KCNAB2: variants seen among roughly 807,000 people sequenced by gnomAD.
The protein encoded by KCNAB2 is potassium voltage-gated channel subfamily A regulatory beta subunit 2.
KCNAB2 carries 29 observed loss-of-function variants against 63.6 expected under a neutral mutation model. That is an observed-to-expected ratio of 0.46 (90% CI 0.34 to 0.62). KCNAB2 has a LOEUF of 0.62. KCNAB2 is among the 20% of genes least tolerant of loss of function. KCNAB2 has a pLI of 0.01. For missense variants in KCNAB2, 359 were observed against 563.9 expected (o/e 0.64, Z 3.68); for synonymous variants, 222 against 224.2 (o/e 0.99, Z 0.09).
Position 6,097,408 on chromosome 1 carries a change from C to T in KCNAB2, c.1158+51C>T, listed in dbSNP as rs748870246. On this transcript the variant is annotated intron_variant, in intron 15 of 15. Coordinates refer to ENST00000378083, the MANE Select transcript of KCNAB2 (RefSeq NM_001199862.2). ...AGAGGGCCCATCCCAGCCCGAGCCC[C>T]GTCCAGTGCATCCTCCCAGGCTCGT... The T allele has an allele frequency of 1.4e-5, 21 of 1,548,534 alleles. No individual in the cohort carries two copies. The highest frequency in any genetic ancestry group is 2.4e-5 in the East Asian group (1 of 40,926).
intron 1 of KCNAB2, among the ~76,000 whole-genome samples, chr1:6,002,270 A>G (rs991359274): frequency 1.3e-5 from 2 of 152,224 alleles, no homozygotes; most frequent in African/African-American, 2.4e-5. Context: ...ACACCAAGGG[A>G]TCCTCCCCAA....
In KCNAB2 at chr1:6,096,211, G is replaced by A; in HGVS notation, c.949-425G>A. On this transcript the variant is annotated intron_variant, in intron 13 of 15. Coordinates refer to ENST00000378083, the MANE Select transcript of KCNAB2 (RefSeq NM_001199862.2). The surrounding 1 kb of genome is among the most constrained non-coding windows in gnomAD (Gnocchi z 5.9). ...CCTCCCATCCCATGGCAAGGTCAGG[G>A]CCCCCCTCCAGGAGGCCCTGCAATC... The A allele has an allele frequency of 2.2e-6, 1 of 455,122 alleles. No individual in the cohort carries two copies. Among genetic ancestry groups the A allele is most frequent in the Non-Finnish European group, 4.4e-6 (1 of 227,398 alleles). 28.2% of individuals were successfully genotyped at this position (455,122 alleles called of 1,614,324 possible).
intron 4 of KCNAB2, 135 bp from the exon 5 acceptor site, chr1:6,082,059 GC>G: frequency 1.5e-6 from 1 of 688,900 alleles, no homozygotes; most frequent in South Asian, 1.6e-5. Flanking sequence ...CAAGGAGACA[GC>G]CCACAGGGGA....
chr1:6,071,812 G>A lies in KCNAB2; in HGVS notation c.219-943G>A, dbSNP rs897258610. Among the ~76,000 whole-genome samples, 6 of 150,712 alleles carry A rather than the reference G, an allele frequency of 4.0e-5. No individual in the cohort carries two copies. Among genetic ancestry groups the A allele is most frequent in the Admixed American group, 1.3e-4 (2 of 15,132 alleles). ...TGCCACATAGGGCACCTCCTGCCGCGAGGGCACCTCCTGCCGCATAGGGCA... is the reference window on the plus strand; with the variant it reads ...TGCCACATAGGGCACCTCCTGCCGCAAGGGCACCTCCTGCCGCATAGGGCA... On this transcript the variant is annotated intron_variant, in intron 2 of 15. Transcript: ENST00000378083. This position sits in a 1 kb window ranked among gnomAD's most constrained non-coding sequence, Gnocchi z 8.5.
At position 6,087,403 on chromosome 1, in the gene KCNAB2, G is replaced by A. The variant is rs1468451832; in HGVS notation, c.426-64G>A. The stretch of plus-strand genomic sequence containing the variant: ...TCTGTGTGAGAGATGAGGACGTCGG[G>A]GATGAAGGAGGACCCCCCAGGGGCC... On this transcript the variant is annotated intron_variant, in intron 6 of 15. Coordinates refer to ENST00000378083, the MANE Select transcript of KCNAB2 (RefSeq NM_001199862.2). The surrounding 1 kb of genome is among the most constrained non-coding windows in gnomAD (Gnocchi z 6.4). The A allele has an allele frequency of 3.5e-5, 54 of 1,552,584 alleles. No homozygotes were observed. In the Admixed American group the frequency reaches 8.2e-4, roughly 24 times the overall value.
chr1:6,021,996 G>T (rs1264709092), intron 1 of KCNAB2, among the ~76,000 whole-genome samples: 1 of 152,008 alleles, frequency 6.6e-6, no homozygotes, highest in Admixed American at 6.6e-5. Flanking sequence ...TGGTACGAGT[G>T]TATAGTTCGG....
At chr1:6,051,430 G>A in intron 1 of KCNAB2, 81 bp from the exon 2 acceptor site, 1 of 1,399,160 alleles carries the variant, frequency 7.1e-7, no homozygotes, top group Non-Finnish European at 9.3e-7. Flanking sequence ...CGCTGCAGCT[G>A]CCCCCTGCCC....
At position 6,051,736 on chromosome 1, in the gene KCNAB2, G is replaced by A. The variant is rs867008495; in HGVS notation, c.200G>A (p.Arg67His). 7.8e-6 allele frequency: 12 copies of A among 1,533,266 alleles called. No homozygotes were observed. Among genetic ancestry groups the A allele is most frequent in the Non-Finnish European group, 9.6e-6 (11 of 1,146,448 alleles). 95.0% of individuals were successfully genotyped at this position (1,533,266 alleles called of 1,614,324 possible). A position where few individuals can be genotyped will look rare whatever the true frequency, so the allele number is the denominator to read the frequency against. ...GLSLDGCTAQ[R>H]TGMKYRNLGK... The stretch of plus-strand genomic sequence containing the variant: ...TCCCTGGACGGCTGCACCGCCCAGC[G>A]CACAGGCATGAAGTATCGGTAAGGG... Residue 67 changes from arginine (R) to histidine (H), a missense_variant, in exon 2 of 16, where the codon CGC (arginine) becomes CAC (histidine). By Grantham distance (29) the Arg-to-His change is conservative. Around this residue, in one of 2 missense-constraint regions of KCNAB2, gnomAD observed 271 missense variants for 476.1 expected, o/e 0.57. Coordinates refer to ENST00000378083, the MANE Select transcript of KCNAB2 (RefSeq NM_001199862.2).
At chr1:6,050,564 A>G (rs1040773332) in intron 1 of KCNAB2, among the ~76,000 whole-genome samples, 7 of 152,180 alleles carry the variant, frequency 4.6e-5, no homozygotes, top group African/African-American at 1.7e-4. Flanking sequence ...ATTGTCCACT[A>G]TCTCTCAGGG....
intron 1 of KCNAB2, among the ~76,000 whole-genome samples, chr1:6,049,561 C>G (rs1475654283): frequency 2.6e-5 from 4 of 152,224 alleles, no homozygotes; most frequent in Non-Finnish European, 5.9e-5. Context: ...GACAGCACAG[C>G]AGGCTCCCCA....
upstream of KCNAB2, among the ~76,000 whole-genome samples, chr1:6,030,847 TATGTGTGTGTATGTATGTGTAG>T (rs1246907029): frequency 6.6e-6 from 1 of 151,648 alleles, no homozygotes; most frequent in African/African-American, 2.4e-5. Context: ...TGTGTGTAGG[TATGTGTGTGTATGTATGTGTAG>T]GTGTGTGTAT....
At chr1:6,029,356 GA>G (rs1402092186), upstream of KCNAB2, among the ~76,000 whole-genome samples, 6 of 152,052 alleles carry the variant, frequency 3.9e-5, no homozygotes, top group Non-Finnish European at 8.8e-5. Context: ...GACAGCCAAG[GA>G]GACCAGCAGC....
At chr1:5,995,579 G>A (rs1656897097) in intron 1 of KCNAB2, among the ~76,000 whole-genome samples, 1 of 152,206 alleles carries the variant, frequency 6.6e-6, no homozygotes, top group Admixed American at 6.5e-5. Context: ...ACTCAGTCCT[G>A]CCTGGCATGC....
upstream of KCNAB2, among the ~76,000 whole-genome samples, chr1:6,030,315 C>T (rs114650540): frequency 0.039 from 5,992 of 152,182 alleles, 181 homozygotes; most frequent in South Asian, 0.077. Context: ...TGGACTGGGG[C>T]GTGCCTGTCC....
At chr1:6,075,488 G>A (rs563285094) in intron 4 of KCNAB2, among the ~76,000 whole-genome samples, 3 of 152,256 alleles carry the variant, frequency 2.0e-5, no homozygotes, top group Non-Finnish European at 4.4e-5. Flanking sequence ...ATAGATGGCA[G>A]TGTCAGGGTT....
chr1:6,091,145 A>G (rs1665153770), intron 9 of KCNAB2, 118 bp from the exon 10 acceptor site: 1 of 743,046 alleles, frequency 1.3e-6, no homozygotes, highest in Non-Finnish European at 2.3e-6. Flanking sequence ...TTCCTTTTTA[A>G]CTAAACGCGT....
chr1:6,036,474 G>C (rs914961279), intron 1 of KCNAB2, among the ~76,000 whole-genome samples: 1 of 152,216 alleles, frequency 6.6e-6, no homozygotes, highest in Non-Finnish European at 1.5e-5. Context: ...CTGTACTCCA[G>C]CCTGGGTGAC....
intron 2 of KCNAB2, among the ~76,000 whole-genome samples, chr1:6,040,827 G>A (rs1660441262): frequency 6.6e-6 from 1 of 152,248 alleles, no homozygotes; most frequent in South Asian, 2.1e-4. Context: ...AAAGGAGCAG[G>A]GGCTTTAAAA....
intron 8 of KCNAB2, 88 bp downstream of exon 8, chr1:6,089,139 C>A: frequency 1.5e-6 from 2 of 1,358,082 alleles, no homozygotes; most frequent in South Asian, 2.5e-5. Context: ...GGCCCGACCC[C>A]CCCAGTTAAC....
Sources: allele counts gnomAD v4.1 joint callset (sites outside exome capture counted in the v4.1 genomes callset), GRCh38; gene constraint gnomAD v4.1.1; regional missense constraint gnomAD v4.1.1; non-coding constraint Gnocchi (gnomAD v3.1); transcripts MANE v1.5; gene names NCBI Gene and HGNC (gene_info 2026-07-23, HGNC 2026-07-21).